The following NDE1 variants were observed in gnomAD, a reference collection of about 807,000 sequenced individuals.
The protein encoded by NDE1 is nudE neurodevelopment protein 1, also known as nuclear distribution protein nudE homolog 1.
In NDE1, 28 loss-of-function variants were observed where a neutral mutation model predicts 43.4. That is an observed-to-expected ratio of 0.65 (90% CI 0.48 to 0.89). The LOEUF is 0.89. Ranked by LOEUF, NDE1 falls within the 40% of genes least tolerant of loss-of-function variation. The pLI, the probability that NDE1 is intolerant of heterozygous loss-of-function variation, is 0.00. For missense variants in NDE1, 441 were observed against 434.1 expected, an observed-to-expected ratio of 1.02 and a Z score of -0.14; for synonymous variants, 184 against 172.0, an observed-to-expected ratio of 1.07 and a Z score of -0.55.
intron 8 of NDE1, among the ~76,000 whole-genome samples, chr16:15,722,466 C>T (rs973200980): frequency 1.3e-5 from 2 of 152,168 alleles, no homozygotes; most frequent in African/African-American, 4.8e-5. Flanking sequence ...TTCCAGTATT[C>T]AGCAAAGACA....
chr16:15,690,337 CTTTTTTTTTTTTTTTCTTT>C (rs2038674508), intron 5 of NDE1, among the ~76,000 whole-genome samples: 2 of 74,108 alleles, frequency 2.7e-5, no homozygotes, highest in African/African-American at 4.7e-5. Context: ...TGCAACTGGC[CTTTTTTTTTTTTTTTCTTT>C]TTTTTTTTTT....
At chr16:15,652,425 T>C (rs1024416088) in intron 1 of NDE1, among the ~76,000 whole-genome samples, 1 of 152,188 alleles carries the variant, frequency 6.6e-6, no homozygotes, top group Non-Finnish European at 1.5e-5. Flanking sequence ...AACATGAGCA[T>C]TCCTGTGTAC....
At chr16:15,690,523 A>G (rs2038699663) in intron 5 of NDE1, among the ~76,000 whole-genome samples, 1 of 151,528 alleles carries the variant, frequency 6.6e-6, no homozygotes, top group South Asian at 2.1e-4. Context: ...GCTCCCGGGC[A>G]TATTTTCATT....
At chr16:15,690,079 C>G (rs2038655260) in intron 5 of NDE1, among the ~76,000 whole-genome samples, 1 of 151,980 alleles carries the variant, frequency 6.6e-6, no homozygotes, top group Non-Finnish European at 1.5e-5. Flanking sequence ...CTTGCTCTGT[C>G]ACACAGGCTG....
rs770350760 is a variant in NDE1, at chr16:15,696,942, C to G, written c.947+82C>G. 16 of 1,573,298 alleles carry G rather than the reference C, an allele frequency of 1.0e-5. No homozygotes were observed. The African/African-American group carries it at 2.2e-4, about 21-fold the overall frequency. On this transcript the variant is annotated intron_variant, in intron 8 of 8. Transcript: ENST00000396354. Reference sequence around the variant, plus strand: ...AGAGACACTCACCCCCAGCCCACAGCCATGTGTCTTTTTAAATTATAGGAT... The same window carrying G: ...AGAGACACTCACCCCCAGCCCACAGGCATGTGTCTTTTTAAATTATAGGAT...
chr16:15,693,932 T>C (rs1489073965), intron 6 of NDE1, among the ~76,000 whole-genome samples: 1 of 152,164 alleles, frequency 6.6e-6, no homozygotes, highest in East Asian at 1.9e-4. Context: ...AGAGCAAGAC[T>C]AACATGTAAA....
chr16:15,709,757 C>T (rs2039673132), intron 8 of NDE1, among the ~76,000 whole-genome samples: 1 of 152,190 alleles, frequency 6.6e-6, no homozygotes, highest in African/African-American at 2.4e-5. Context: ...GGAACAGAAG[C>T]CAAGAAGTCC....
chr16:15,702,930 TAGAC>T (rs1319561688), intron 8 of NDE1, among the ~76,000 whole-genome samples: 2 of 152,054 alleles, frequency 1.3e-5, no homozygotes, highest in Non-Finnish European at 2.9e-5. Flanking sequence ...GTAACCCCCT[TAGAC>T]AGTCTCACTT....
chr16:15,724,742 G>C lies in NDE1; in HGVS notation c.*491G>C. 6.2e-7 allele frequency: 1 copy of C among 1,614,180 alleles called. No homozygotes were observed. The highest frequency in any genetic ancestry group is 8.5e-7 in the Non-Finnish European group (1 of 1,180,036). The stretch of plus-strand genomic sequence containing the variant: ...TGCAGGCTGTTCCGCTCCTCCTCCA[G>C]CTGGCGCAGCTTCGTAGACACGTTG... On this transcript the variant is annotated 3_prime_UTR_variant, in exon 9 of 9. Coordinates refer to ENST00000396354, the MANE Select transcript of NDE1 (RefSeq NM_017668.3).
chr16:15,643,432 C>G, exon 1 of NDE1: 1 of 456,426 alleles, frequency 2.2e-6, no homozygotes. Context: ...CGAAAGGAAC[C>G]TTGAAGCGGA....
intron 1 of NDE1, among the ~76,000 whole-genome samples, chr16:15,655,252 A>C (rs2036703579): frequency 6.6e-6 from 1 of 152,104 alleles, no homozygotes; most frequent in African/African-American, 2.4e-5. Flanking sequence ...CCCTGGGCTC[A>C]AGCAATCCAC....
At chr16:15,654,159 A>G (rs2036638373) in intron 1 of NDE1, among the ~76,000 whole-genome samples, 1 of 152,176 alleles carries the variant, frequency 6.6e-6, no homozygotes, top group East Asian at 1.9e-4. Flanking sequence ...CTGCTGGGGC[A>G]TGATGGTGTG....
In NDE1 at chr16:15,724,620, A is replaced by C. The variant is rs371060650; in HGVS notation, c.*369A>C. On this transcript the variant is annotated 3_prime_UTR_variant, in exon 9 of 9. Transcript: ENST00000396354. ...CGCAGAGAAGTTGAGAGGACCCATG[A>C]AGGAAGCAAGGACACGGGGCAGGCA... The C allele has an allele frequency of 6.2e-6, 10 of 1,613,280 alleles. No homozygotes were observed. Among genetic ancestry groups the C allele is most frequent in the Admixed American group, 3.3e-5 (2 of 59,986 alleles).
intron 1 of NDE1, among the ~76,000 whole-genome samples, chr16:15,652,814 C>T (rs949658930): frequency 1.3e-5 from 2 of 152,034 alleles, no homozygotes; most frequent in African/African-American, 4.8e-5. Flanking sequence ...AAAGCACATG[C>T]CACCATGCTT....
intron 4 of NDE1, among the ~76,000 whole-genome samples, chr16:15,679,099 C>T (rs907175131): frequency 6.6e-5 from 10 of 151,892 alleles, no homozygotes; most frequent in Admixed American, 4.6e-4. Flanking sequence ...AAACAAAAAA[C>T]AACAAAAAAA....
At chr16:15,644,123 T>C (rs1403814485) in intron 1 of NDE1, among the ~76,000 whole-genome samples, 2 of 152,200 alleles carry the variant, frequency 1.3e-5, no homozygotes, top group African/African-American at 2.4e-5. Context: ...AAAGCACATA[T>C]TGTGTAAGTT....
At chr16:15,712,390 C>G (rs1301466058) in intron 8 of NDE1, among the ~76,000 whole-genome samples, 1 of 152,174 alleles carries the variant, frequency 6.6e-6, no homozygotes, top group Non-Finnish European at 1.5e-5. Flanking sequence ...TGGTCCATGC[C>G]TGTAATCCCA....
In NDE1 at chr16:15,705,549, C is replaced by G. The variant is rs554491114; in HGVS notation, c.947+8689C>G. ...AATAATTATGTTGGGCTCTGGCCATCTGGCCCTGTTTGACCTGAATCGGAA... is the reference window on the plus strand; with the variant it reads ...AATAATTATGTTGGGCTCTGGCCATGTGGCCCTGTTTGACCTGAATCGGAA... On this transcript the variant is annotated intron_variant, in intron 8 of 8. Transcript: ENST00000396354. Among the ~76,000 whole-genome samples, 5 of 152,320 alleles carry G rather than the reference C, an allele frequency of 3.3e-5. No homozygotes were observed. The East Asian group carries it at 9.7e-4, about 29-fold the overall frequency.
Position 15,719,200 on chromosome 16 carries a change from TCCTC to T in NDE1, c.948-4989_948-4986del, listed in dbSNP as rs2040333508. On this transcript the variant is annotated intron_variant, in intron 8 of 8. Coordinates refer to ENST00000396354, the MANE Select transcript of NDE1 (RefSeq NM_017668.3). ...CCCATCCTCTGCTTCAGAGCCCTCT[TCCTC>T]CATTCAGTTTCCTACCTTCCCGACA... 4 of 1,610,942 alleles carry T rather than the reference TCCTC, an allele frequency of 2.5e-6. No individual in the cohort carries two copies. The highest frequency in any genetic ancestry group is 2.5e-6 in the Non-Finnish European group (3 of 1,177,944).
Sources: allele counts gnomAD v4.1 joint callset (sites outside exome capture counted in the v4.1 genomes callset), GRCh38; gene constraint gnomAD v4.1.1; transcripts MANE v1.5; gene names NCBI Gene and HGNC (gene_info 2026-07-23, HGNC 2026-07-21).